The following JAZF1 variants were observed in gnomAD, a reference collection of about 807,000 sequenced individuals.
The protein encoded by JAZF1 is juxtaposed with another zinc finger protein 1.
In JAZF1, 8 loss-of-function variants were observed where a neutral mutation model predicts 26.4. The observed-to-expected ratio is 0.30, with a 90% CI of 0.18 to 0.55. The LOEUF is 0.55. Among genes scored for constraint, JAZF1 ranks in the 20% least tolerant of loss-of-function variants. JAZF1 has a pLI of 0.94. For missense variants in JAZF1, 199 were observed against 322.0 expected (o/e 0.62, Z 2.92); for synonymous variants, 126 against 122.3 (o/e 1.03, Z -0.20).
chr7:28,009,201 A>G (rs575819865), intron 1 of JAZF1, among the ~76,000 whole-genome samples: 2 of 151,934 alleles, frequency 1.3e-5, no homozygotes, highest in African/African-American at 4.8e-5. Flanking sequence ...CTTCATTTCT[A>G]TGGCTTGGTT....
intron 4 of JAZF1, among the ~76,000 whole-genome samples, chr7:27,836,754 A>T (rs989150090): frequency 6.6e-6 from 1 of 152,210 alleles, no homozygotes; most frequent in Admixed American, 6.5e-5. Flanking sequence ...CCTACTGGCC[A>T]CTGCACAGCA....
At chr7:28,121,342 T>C (rs944188891) in intron 1 of JAZF1, among the ~76,000 whole-genome samples, 1 of 152,150 alleles carries the variant, frequency 6.6e-6, no homozygotes, top group African/African-American at 2.4e-5. Flanking sequence ...AGAGGTAGAA[T>C]GGGACTACAA....
intron 2 of JAZF1, among the ~76,000 whole-genome samples, chr7:27,898,982 A>G (rs1014535722): frequency 6.6e-6 from 1 of 152,062 alleles, no homozygotes; most frequent in Non-Finnish European, 1.5e-5. Flanking sequence ...CCACAAACAC[A>G]CACAGGAATG....
At chr7:28,145,240 GT>G (rs1446229582) in intron 1 of JAZF1, among the ~76,000 whole-genome samples, 2 of 152,180 alleles carry the variant, frequency 1.3e-5, no homozygotes, top group African/African-American at 4.8e-5. Context: ...TAACTAAAAT[GT>G]CCAGGGCAGT....
chr7:27,868,490 G>A (rs778549876), intron 3 of JAZF1, among the ~76,000 whole-genome samples: 1 of 152,222 alleles, frequency 6.6e-6, no homozygotes, highest in South Asian at 2.1e-4. Context: ...TGAACAAGGC[G>A]TGGAGTTGCT....
At chr7:28,051,914 C>A (rs958494773) in intron 1 of JAZF1, among the ~76,000 whole-genome samples, 2 of 152,150 alleles carry the variant, frequency 1.3e-5, no homozygotes, top group Admixed American at 6.5e-5. Context: ...ACTAAACATT[C>A]TAGTGTGGCC....
chr7:27,965,728 G>GA (rs1483326488), intron 2 of JAZF1, among the ~76,000 whole-genome samples: 1 of 152,106 alleles, frequency 6.6e-6, no homozygotes, highest in African/African-American at 2.4e-5. Context: ...AAATGAAAGA[G>GA]AAAAACAAAG....
intron 3 of JAZF1, among the ~76,000 whole-genome samples, chr7:27,882,968 T>C (rs1049893961): frequency 1.3e-5 from 2 of 152,184 alleles, no homozygotes; most frequent in African/African-American, 4.8e-5. Context: ...TGTTTATTCA[T>C]ATTTTCAGTA....
chr7:28,073,023 T>C (rs139483555), intron 1 of JAZF1, among the ~76,000 whole-genome samples: 1 of 152,296 alleles, frequency 6.6e-6, no homozygotes, highest in East Asian at 1.9e-4. Context: ...CTTGCCTCAG[T>C]ATGAAAATAC....
intron 1 of JAZF1, among the ~76,000 whole-genome samples, chr7:28,167,111 A>T (rs146882815): frequency 1.5e-3 from 232 of 152,284 alleles, no homozygotes; most frequent in Admixed American, 4.1e-3. Flanking sequence ...CTTAATCCTC[A>T]TAACAACACT....
At chr7:28,058,809 C>T (rs900165536) in intron 1 of JAZF1, among the ~76,000 whole-genome samples, 2 of 152,100 alleles carry the variant, frequency 1.3e-5, no homozygotes, top group Non-Finnish European at 2.9e-5. Context: ...TTTTATAGTG[C>T]AATTTTCTTA....
At chr7:28,083,317 C>T (rs780097378) in intron 1 of JAZF1, among the ~76,000 whole-genome samples, 23 of 152,298 alleles carry the variant, frequency 1.5e-4, no homozygotes, top group Non-Finnish European at 2.9e-4. Flanking sequence ...AGAATCTGCA[C>T]AAGGCCTACC....
At position 28,088,656 on chromosome 7, in the gene JAZF1, A is replaced by G. The variant is rs181054105; in HGVS notation, c.115+91807T>C. On this transcript the variant is annotated intron_variant, in intron 1 of 4. Transcript: ENST00000283928. Reference sequence around the variant, plus strand: ...CAACCCTTGTCCTAATATCTCCCAAAGAAAAGGGGGCCTGTCTCCATTCCC... The same window carrying G: ...CAACCCTTGTCCTAATATCTCCCAAGGAAAAGGGGGCCTGTCTCCATTCCC... Among the ~76,000 whole-genome samples, 11 of 152,282 alleles carry G rather than the reference A, an allele frequency of 7.2e-5. No homozygotes were observed. In the East Asian group the frequency reaches 2.1e-3, roughly 29 times the overall value.
At chr7:28,124,388 T>C (rs1160312688) in intron 1 of JAZF1, among the ~76,000 whole-genome samples, 1 of 152,216 alleles carries the variant, frequency 6.6e-6, no homozygotes, top group African/African-American at 2.4e-5. Context: ...CCTGTGATAC[T>C]GTGTGCTGTG....
rs537156731 is a variant in JAZF1 at position 27,872,463 on chromosome 7, T to G, written c.385+22757A>C. On this transcript the variant is annotated intron_variant, in intron 3 of 4. Transcript: ENST00000283928. ...TAAAACCTGTGCCAGCTGGAATCCTTCCCCTGTGCTCTGTGGCAAGGGCAG... is the reference window on the plus strand; with the variant it reads ...TAAAACCTGTGCCAGCTGGAATCCTGCCCCTGTGCTCTGTGGCAAGGGCAG... Among the ~76,000 whole-genome samples, 183 of 152,312 alleles carry G rather than the reference T, an allele frequency of 1.2e-3. 2 individuals are homozygous for G. Among genetic ancestry groups the G allele is most frequent in the African/African-American group, 4.1e-3 (172 of 41,550 alleles).
At chr7:27,842,051 CT>C in intron 3 of JAZF1, 1 of 152,140 alleles carries the variant, frequency 6.6e-6, no homozygotes, top group South Asian at 2.1e-4. Context: ...AATATTGGCA[CT>C]TTTATTGGGT....
At chr7:28,176,541 C>T (rs992435675) in intron 1 of JAZF1, among the ~76,000 whole-genome samples, 3 of 152,204 alleles carry the variant, frequency 2.0e-5, no homozygotes, top group African/African-American at 7.2e-5. Context: ...TTTTCTGTAT[C>T]ACTAACCACC....
intron 3 of JAZF1, among the ~76,000 whole-genome samples, chr7:27,858,773 A>G (rs1243472503): frequency 6.6e-6 from 1 of 152,248 alleles, no homozygotes; most frequent in Non-Finnish European, 1.5e-5. Context: ...AAACCATAAA[A>G]ACCCTAGAAG....
intron 1 of JAZF1, among the ~76,000 whole-genome samples, chr7:28,004,429 A>T (rs368672141): frequency 2.0e-5 from 3 of 151,862 alleles, no homozygotes; most frequent in Admixed American, 2.0e-4. Flanking sequence ...GATGCCAAGG[A>T]CCCATCCCCA....
Sources: gnomAD v4.1 joint callset for allele counts (sites outside exome capture counted in the v4.1 genomes callset) on GRCh38, gnomAD v4.1.1 for gene constraint, MANE v1.5 for transcripts, NCBI Gene and HGNC (gene_info 2026-07-23, HGNC 2026-07-21) for gene names.